Variants in DACH1 observed in about 807,000 individuals in gnomAD.
DACH1 encodes dachshund homolog 1.
DACH1 carries 12 observed loss-of-function variants against 54.2 expected under a neutral mutation model. That is an observed-to-expected ratio of 0.22 (90% confidence interval 0.14 to 0.36). The LOEUF (loss-of-function observed/expected upper bound fraction) is 0.36, where lower values mean the gene tolerates loss of function less well. Among genes scored for constraint, DACH1 ranks in the 10% least tolerant of loss-of-function variants. The probability of loss-of-function intolerance (pLI) is 1.00; values close to 1 mark genes in which losing one functional copy is unlikely to be tolerated. For synonymous variants in DACH1, 386 were observed against 366.2 expected (o/e 1.05, Z -0.62); for missense variants, 805 against 929.8 (o/e 0.87, Z 1.75).
At chr13:71,580,451 G>A (rs962568777) in intron 3 of DACH1, among the ~76,000 whole-genome samples, 4 of 152,128 alleles carry the variant, frequency 2.6e-5, no homozygotes, top group Admixed American at 1.3e-4. Context: ...CAATGTCAAA[G>A]TATATATTAT....
rs144697267 is a variant in DACH1 at position 71,749,088 on chromosome 13, G to A, written c.849-67178C>T. On this transcript the variant is annotated intron_variant, in intron 1 of 10. Coordinates refer to ENST00000613252, the MANE Select transcript of DACH1 (RefSeq NM_080759.6). The stretch of plus-strand genomic sequence containing the variant: ...CCACCTCTGCCTTCTGGGTTCAAGC[G>A]ATTCTTGGGCCTTAGCCTCCTGAGT... Among the ~76,000 whole-genome samples, 34 of 151,732 alleles carry A rather than the reference G, an allele frequency of 2.2e-4. No individual in the cohort carries two copies. In the East Asian group the frequency reaches 6.2e-3, roughly 28 times the overall value.
At position 71,620,997 on chromosome 13, in the gene DACH1, G is replaced by A. The variant is rs1477590053; in HGVS notation, c.1126+9559C>T. Among the ~76,000 whole-genome samples the A allele has an allele frequency of 2.0e-5, 3 of 151,730 alleles. 1 individual carries two copies. Among genetic ancestry groups the A allele is most frequent in the Non-Finnish European group, 4.4e-5 (3 of 67,940 alleles). The stretch of plus-strand genomic sequence containing the variant: ...AAATATGTGCCATAAAGCCATGCAT[G>A]AGGTAGATAAAAATGCAAAGTACAC... On this transcript the variant is annotated intron_variant, in intron 3 of 10. Coordinates refer to ENST00000613252, the MANE Select transcript of DACH1 (RefSeq NM_080759.6).
At chr13:71,832,096 TTG>T (rs1888615564) in intron 1 of DACH1, among the ~76,000 whole-genome samples, 1 of 151,976 alleles carries the variant, frequency 6.6e-6, no homozygotes, top group Non-Finnish European at 1.5e-5. Flanking sequence ...AACGCATTTC[TTG>T]TGTTATTTCT....
chr13:71,650,510 A>T (rs1435191649), intron 2 of DACH1, among the ~76,000 whole-genome samples: 4 of 152,152 alleles, frequency 2.6e-5, no homozygotes, highest in African/African-American at 9.6e-5. Context: ...CTGTGATTCA[A>T]ATTAAATAAT....
At chr13:71,797,481 T>C (rs1887104521) in intron 1 of DACH1, among the ~76,000 whole-genome samples, 1 of 152,160 alleles carries the variant, frequency 6.6e-6, no homozygotes, top group African/African-American at 2.4e-5. Context: ...CAAAATTTAT[T>C]ATCATTTCAG....
intron 1 of DACH1, among the ~76,000 whole-genome samples, chr13:71,697,866 G>C (rs553170375): frequency 3.3e-5 from 5 of 152,178 alleles, no homozygotes; most frequent in African/African-American, 1.2e-4. Context: ...TATTTGAAAA[G>C]TTGAAATAGA....
chr13:71,758,459 A>G (rs576615500), intron 1 of DACH1, among the ~76,000 whole-genome samples: 4 of 152,226 alleles, frequency 2.6e-5, no homozygotes, highest in Non-Finnish European at 4.4e-5. Context: ...AAGGTCTTCA[A>G]TGTGATCAAG....
chr13:71,850,373 C>G (rs191787007), intron 1 of DACH1, among the ~76,000 whole-genome samples: 9 of 152,246 alleles, frequency 5.9e-5, no homozygotes, highest in Non-Finnish European at 1.3e-4. Flanking sequence ...AGTGCAAGGC[C>G]AGGATCCTTA....
At chr13:71,519,880 G>GTTTTATATATATATATATATATA (rs1881441196) in intron 6 of DACH1, among the ~76,000 whole-genome samples, 1 of 7,510 alleles carries the variant, frequency 1.3e-4, no homozygotes, top group Admixed American at 2.8e-3. Context: ...CCAAACCAAA[G>GTTTTATATATATATATATATATA]TAGTATATAT....
chr13:71,793,532 T>A (rs1183286838), intron 1 of DACH1, among the ~76,000 whole-genome samples: 1 of 152,190 alleles, frequency 6.6e-6, no homozygotes, highest in Admixed American at 6.5e-5. Flanking sequence ...TCTCTCTCTA[T>A]TTATTTTTTT....
chr13:71,517,700 G>A (rs1338636432), intron 6 of DACH1, among the ~76,000 whole-genome samples: 1 of 151,726 alleles, frequency 6.6e-6, no homozygotes, highest in Non-Finnish European at 1.5e-5. Flanking sequence ...TCTATATCTT[G>A]GCCAAAGTCT....
intron 10 of DACH1, among the ~76,000 whole-genome samples, chr13:71,472,347 T>C (rs184933968): frequency 5.3e-5 from 8 of 152,290 alleles, no homozygotes; most frequent in African/African-American, 1.2e-4. Context: ...CTCTGTGGTT[T>C]TATAGAAATG....
intron 5 of DACH1, among the ~76,000 whole-genome samples, chr13:71,559,123 T>C (rs1224315637): frequency 1.3e-5 from 2 of 152,120 alleles, no homozygotes; most frequent in East Asian, 1.9e-4. Flanking sequence ...CAAAAATCAC[T>C]TGTTAATTGG....
chr13:71,516,717 A>G (rs1307063967), intron 6 of DACH1, among the ~76,000 whole-genome samples: 3 of 151,802 alleles, frequency 2.0e-5, no homozygotes, highest in Non-Finnish European at 4.4e-5. Flanking sequence ...TGCCCATCAA[A>G]ACGCACAGAC....
At chr13:71,620,715 GA>G (rs566930836) in intron 3 of DACH1, among the ~76,000 whole-genome samples, 1 of 151,902 alleles carries the variant, frequency 6.6e-6, no homozygotes, top group Non-Finnish European at 1.5e-5. Context: ...TATGCTTTCT[GA>G]AAAAAATCTA....
At chr13:71,461,526 A>C (rs1204238416) in intron 10 of DACH1, among the ~76,000 whole-genome samples, 2 of 152,048 alleles carry the variant, frequency 1.3e-5, no homozygotes, top group African/African-American at 4.8e-5. Flanking sequence ...CTTTGCATAT[A>C]AATATGTATT....
At chr13:71,757,442 T>A (rs1172681460) in intron 1 of DACH1, among the ~76,000 whole-genome samples, 1 of 152,124 alleles carries the variant, frequency 6.6e-6, no homozygotes, top group Non-Finnish European at 1.5e-5. Context: ...AGGGACCATT[T>A]TTCCTAATCA....
chr13:71,580,072 A>G (rs190945716), intron 3 of DACH1, among the ~76,000 whole-genome samples: 1 of 152,304 alleles, frequency 6.6e-6, no homozygotes, highest in Non-Finnish European at 1.5e-5. Context: ...AGTGGAAATG[A>G]GACTGAAAAA....
chr13:71,626,531 C>T (rs59352399), intron 3 of DACH1, among the ~76,000 whole-genome samples: 21,615 of 151,924 alleles, frequency 0.14, 3,644 homozygotes, highest in African/African-American at 0.4. Flanking sequence ...AAAATAGCAA[C>T]TTATCTGGCC....
Sources: allele counts gnomAD v4.1 joint callset (sites outside exome capture counted in the v4.1 genomes callset), GRCh38; gene constraint gnomAD v4.1.1; transcripts MANE v1.5; gene names NCBI Gene and HGNC (gene_info 2026-07-23, HGNC 2026-07-21).